Variants in TSR2 observed in about 807,000 individuals in gnomAD.
The protein encoded by TSR2 is TSR2 ribosome maturation factor.
Under a neutral mutation model 13.3 loss-of-function variants are expected in TSR2, and 1 was observed. The ratio of observed to expected loss-of-function variants is 0.08; its 90% confidence interval spans 0.03 to 0.36. The LOEUF (loss-of-function observed/expected upper bound fraction) is 0.36, where lower values mean the gene tolerates loss of function less well. Among genes scored for constraint, TSR2 ranks in the 10% least tolerant of loss-of-function variants. The pLI is 0.99. For synonymous variants in TSR2, 60 were observed against 57.7 expected, an observed-to-expected ratio of 1.04 and a Z score of -0.18; for missense variants, 120 against 151.1, an observed-to-expected ratio of 0.79 and a Z score of 1.08.
Position 54,446,434 on chromosome X carries a change from A to G in TSR2, c.*1884A>G, listed in dbSNP as rs761253764. On this transcript the variant is annotated 3_prime_UTR_variant, in exon 5 of 5. Transcript: ENST00000375151. ...CACATCCTGGCGGGAGGAGGGACAGAGCTGGGGCCACCTTGGGGCTAGACC... is the reference window on the plus strand; with the variant it reads ...CACATCCTGGCGGGAGGAGGGACAGGGCTGGGGCCACCTTGGGGCTAGACC... 9.2e-6 allele frequency: 11 copies of G among 1,197,656 alleles called. No homozygotes were observed. Among genetic ancestry groups the G allele is most frequent in the South Asian group, 1.8e-5 (1 of 55,222 alleles).
intron 2 of TSR2, among the ~76,000 whole-genome samples, chrX:54,441,494 A>G (rs191858897): frequency 8.9e-6 from 1 of 112,268 alleles, no homozygotes; most frequent in African/African-American, 3.2e-5. Flanking sequence ...GGATCCACAC[A>G]CGTAAATAGT....
chrX:54,444,381 A>G, intron 4 of TSR2, 35 bp from the exon 5 acceptor site: 2 of 1,185,059 alleles, frequency 1.7e-6, no homozygotes, highest in Non-Finnish European at 2.3e-6. Flanking sequence ...TCCAGTGGTC[A>G]GTGTATTCAG....
At position 54,443,416 on chromosome X, in the gene TSR2, T is replaced by A. The variant is rs756617491; in HGVS notation, c.189T>A (p.Asp63Glu). The A allele has an allele frequency of 1.7e-6, 2 of 1,206,929 alleles. No homozygotes were observed. Among genetic ancestry groups the A allele is most frequent in the African/African-American group, 3.5e-5 (2 of 57,483 alleles). ...TCTACTTAGCTGACTTGGAGCTAGA[T>A]GAGGTGGAAGACTTCCTTGGAGAGC... Reference protein sequence around the residue: ...YFMRNADLELDEVEDFLGELL... With the variant: ...YFMRNADLELEEVEDFLGELL... Residue 63 changes from aspartate to glutamate, a missense_variant, in exon 3 of 5, where the codon GAT becomes GAA. Physicochemically the swap from Asp to Glu is conservative, Grantham distance 45 (BLOSUM62 2). Around this residue, in one of 3 missense-constraint regions of TSR2, gnomAD observed 53 missense variants for 52.3 expected, o/e 1.01. Coordinates refer to ENST00000375151, the MANE Select transcript of TSR2 (RefSeq NM_058163.3).
intron 2 of TSR2, among the ~76,000 whole-genome samples, chrX:54,441,844 T>C (rs1921950033): frequency 9.0e-6 from 1 of 111,554 alleles, no homozygotes; most frequent in Admixed American, 9.6e-5. Flanking sequence ...TTTAGGCCAG[T>C]GTTTGCCAAA....
Position 54,444,762 on chromosome X carries a change from C to T in TSR2, c.*212C>T. Reference sequence around the variant, plus strand: ...ACCTTTTCCAGCATATTCCCCTGGGCCTTTAGTTAACATCCGAGTGACGAA... The same window carrying T: ...ACCTTTTCCAGCATATTCCCCTGGGTCTTTAGTTAACATCCGAGTGACGAA... On this transcript the variant is annotated 3_prime_UTR_variant, in exon 5 of 5. Coordinates refer to ENST00000375151, the MANE Select transcript of TSR2 (RefSeq NM_058163.3). The T allele has an allele frequency of 6.3e-6, 2 of 319,984 alleles. No individual in the cohort carries two copies. The highest frequency in any genetic ancestry group is 5.5e-6 in the Non-Finnish European group (1 of 181,718). 26.4% of individuals were successfully genotyped at this position (319,984 alleles called of 1,213,427 possible).
chrX:54,440,809 C>T (rs755588328), intron 2 of TSR2, 29 bp downstream of exon 2: 20 of 1,118,413 alleles, frequency 1.8e-5, no homozygotes, highest in Non-Finnish European at 2.4e-5. Flanking sequence ...CCGCGACCCG[C>T]CTGTGTGGGG....
In TSR2 at chrX:54,446,208, G is replaced by A. The variant is rs370329532; in HGVS notation, c.*1658G>A. 15 of 1,210,231 alleles carry A rather than the reference G, an allele frequency of 1.2e-5. No individual in the cohort carries two copies. The highest frequency in any genetic ancestry group is 1.6e-5 in the Non-Finnish European group (14 of 895,107). ...CCATCTCCCTGTCCTCAGACAGTGT[G>A]GGCCCCGGGCAGAACGTGTCCCCTC... On this transcript the variant is annotated 3_prime_UTR_variant, in exon 5 of 5. Transcript: ENST00000375151.
rs373086405 is a variant in TSR2, at chrX:54,447,480, A to T, written c.*2930A>T. The T allele has an allele frequency of 1.7e-5, 21 of 1,201,764 alleles. No individual in the cohort carries two copies. Among genetic ancestry groups the T allele is most frequent in the Non-Finnish European group, 2.4e-5 (21 of 890,095 alleles). On this transcript the variant is annotated 3_prime_UTR_variant, in exon 5 of 5. Transcript: ENST00000375151. ...CTGTGGCCAGAGACACCGGGCATCAATGTTGACAGAAGGCCTAGCCTGGCT... is the reference window on the plus strand; with the variant it reads ...CTGTGGCCAGAGACACCGGGCATCATTGTTGACAGAAGGCCTAGCCTGGCT...
chrX:54,440,640 T>C, intron 1 of TSR2, 50 bp from the exon 2 acceptor site: 1 of 1,176,847 alleles, frequency 8.5e-7, no homozygotes, highest in East Asian at 3.0e-5. Context: ...TCCAGGCTAC[T>C]CCAGGTCTGC....
intron 3 of TSR2, 72 bp downstream of exon 3, chrX:54,443,563 G>A: frequency 8.8e-6 from 7 of 798,968 alleles, no homozygotes; most frequent in Non-Finnish European, 1.3e-5. Context: ...TCTGTTTTGG[G>A]CCAAGACTCT....
In TSR2 at chrX:54,446,130, G is replaced by A. The variant is rs1191614746; in HGVS notation, c.*1580G>A. On this transcript the variant is annotated 3_prime_UTR_variant, in exon 5 of 5. Coordinates refer to ENST00000375151, the MANE Select transcript of TSR2 (RefSeq NM_058163.3). ...CCCTCTAGGTCTTGTCTCGGGTCTG[G>A]GGGGATTCGGGGGGTTCAGCAGTGG... 1 of 1,209,727 alleles carries A rather than the reference G, an allele frequency of 8.3e-7. No individual in the cohort carries two copies.
intron 2 of TSR2, 49 bp from the exon 3 acceptor site, chrX:54,443,351 A>G (rs1213001122): frequency 1.1e-6 from 1 of 952,027 alleles, no homozygotes; most frequent in African/African-American, 1.9e-5. Flanking sequence ...GGCAGGGGTG[A>G]TGAAGTTGGC....
intron 3 of TSR2, 85 bp from the exon 4 acceptor site, chrX:54,443,923 C>G (rs931308134): frequency 8.7e-7 from 1 of 1,148,304 alleles, no homozygotes; most frequent in African/African-American, 1.8e-5. Flanking sequence ...AAAATCCAAC[C>G]TACTCCCCAC....
In TSR2 at chrX:54,440,485, G is replaced by T; in HGVS notation, c.64G>T (p.Ala22Ser). 1 of 1,139,313 alleles carries T rather than the reference G, an allele frequency of 8.8e-7. No individual in the cohort carries two copies. The highest frequency in any genetic ancestry group is 1.2e-6 in the Non-Finnish European group (1 of 862,314). The allele number at this position is 1,139,313 out of a possible 1,213,427, so 93.9% of individuals were successfully genotyped here. A position where few individuals can be genotyped will look rare whatever the true frequency, so the allele number is the denominator to read the frequency against. The change falls in exon 1 of 5, where the codon GCC becomes TCC. Residue 22 changes from alanine to serine, a missense_variant. By Grantham distance (99) the Ala-to-Ser change is moderately conservative. This residue lies in a region of TSR2 where 53 missense variants were observed against 52.3 expected (regional missense o/e 1.01). Coordinates refer to ENST00000375151, the MANE Select transcript of TSR2 (RefSeq NM_058163.3). ...GGCTGGGGTCTGCGCGGCCCTGGAGGCCTGGCCGGCCTTGCAGGTCAGTGG... is the reference window on the plus strand; with the variant it reads ...GGCTGGGGTCTGCGCGGCCCTGGAGTCCTGGCCGGCCTTGCAGGTCAGTGG... ...FRAGVCAALEAWPALQIAVEN... is the reference protein window; with the variant it reads ...FRAGVCAALESWPALQIAVEN...
chrX:54,444,659 C>T lies in TSR2; in HGVS notation c.*109C>T, dbSNP rs1337494937. 4 of 802,033 alleles carry T rather than the reference C, an allele frequency of 5.0e-6. No homozygotes were observed. Among genetic ancestry groups the T allele is most frequent in the Admixed American group, 6.8e-5 (2 of 29,502 alleles). 66.1% of individuals were successfully genotyped at this position (802,033 alleles called of 1,213,427 possible). On this transcript the variant is annotated 3_prime_UTR_variant, in exon 5 of 5. Transcript: ENST00000375151. ...ACCTGTGGACTGGTTACCCCATCTCCACCCTCTCCCCTGTTCCTCTGTCTG... is the reference window on the plus strand; with the variant it reads ...ACCTGTGGACTGGTTACCCCATCTCTACCCTCTCCCCTGTTCCTCTGTCTG...
At position 54,440,642 on chromosome X, in the gene TSR2, C is replaced by T. The variant is rs766564464; in HGVS notation, c.82-48C>T. The T allele has an allele frequency of 1.0e-5, 12 of 1,175,508 alleles. No individual in the cohort carries two copies. The Admixed American group carries it at 1.8e-4, about 18-fold the overall frequency. ...GGCGTAAGCGGCCTCCAGGCTACTC[C>T]AGGTCTGCTCCCAAGCTGACTTGGT... On this transcript the variant is annotated intron_variant, in intron 1 of 4. Transcript: ENST00000375151.
rs1922048480 is a variant in TSR2 at position 54,444,490 on chromosome X, G to C, written c.516G>C (p.Gln172His). 8 of 1,209,195 alleles carry C rather than the reference G, an allele frequency of 6.6e-6. No individual in the cohort carries two copies. In the South Asian group the frequency reaches 8.8e-5, roughly 13 times the overall value. ...PQPEPSDPDAQTIKEEDIVED... is the reference protein window; with the variant it reads ...PQPEPSDPDAHTIKEEDIVED... The stretch of plus-strand genomic sequence containing the variant: ...CTGAACCCTCTGATCCAGACGCTCA[G>C]ACTATTAAGGAAGAGGATATAGTGG... Residue 172 changes from glutamine to histidine, a missense_variant, in exon 5 of 5, where the codon CAG (glutamine) becomes CAC (histidine). Around this residue, in one of 3 missense-constraint regions of TSR2, gnomAD observed 55 missense variants for 61.3 expected, o/e 0.90. Transcript: ENST00000375151.
At position 54,440,745 on chromosome X, in the gene TSR2, TG is replaced by T. The variant is rs1266253882; in HGVS notation, c.143del (p.Gly48ValfsTer15). 8.3e-7 allele frequency: 1 copy of T among 1,206,070 alleles called. No individual in the cohort carries two copies. The highest frequency in any genetic ancestry group is 2.3e-4 in the Middle Eastern group (1 of 4,311). ...CACAGCCAGGAGAAGGCCAAGTGGC[TG>T]GGGGGTGCAGTGGAGGATTACTTCA... The part of the protein sequence containing the change: ...GVHSQEKAKW[L>X]GGAVEDYFMR... On this transcript the variant is annotated frameshift_variant, in exon 2 of 5. Transcript: ENST00000375151. LOFTEE classifies it high-confidence loss of function.
chrX:54,445,835 A>G lies in TSR2; in HGVS notation c.*1285A>G, dbSNP rs1365214128. On this transcript the variant is annotated 3_prime_UTR_variant, in exon 5 of 5. Transcript: ENST00000375151. ...TAGGGTATTGAGGGATGAGGGAGAA[A>G]AACGACCTAATTCAGGTAGGACTGG... 3.0e-5 allele frequency: 10 copies of G among 337,693 alleles called. No homozygotes were observed. Among genetic ancestry groups the G allele is most frequent in the South Asian group, 1.2e-4 (2 of 16,641 alleles). The allele number at this position is 337,693 out of a possible 1,213,427, so 27.8% of individuals were successfully genotyped here.
Sources: allele counts gnomAD v4.1 joint callset (sites outside exome capture counted in the v4.1 genomes callset), GRCh38; gene constraint gnomAD v4.1.1; regional missense constraint gnomAD v4.1.1; transcripts MANE v1.5; gene names NCBI Gene and HGNC (gene_info 2026-07-23, HGNC 2026-07-21).